Variants in FRMD4A observed in about 807,000 individuals in gnomAD.
FRMD4A encodes FERM domain-containing protein 4A.
A neutral mutation model predicts 129.1 loss-of-function variants in FRMD4A; 29 were observed. The ratio of observed to expected loss-of-function variants is 0.22; its 90% CI spans 0.17 to 0.31. The LOEUF (loss-of-function observed/expected upper bound fraction) is 0.31, where lower values mean the gene tolerates loss of function less well. Among genes scored for constraint, FRMD4A ranks in the 10% least tolerant of loss-of-function variants. The pLI is 1.00. For synonymous variants in FRMD4A, 634 were observed against 571.6 expected (o/e 1.11, Z -1.56); for missense variants, 1,272 against 1,375.8 (o/e 0.92, Z 1.19).
At chr10:13,963,396 C>T (rs75588072) in intron 2 of FRMD4A, among the ~76,000 whole-genome samples, 2,860 of 149,468 alleles carry the variant, frequency 0.019, 46 homozygotes, top group Non-Finnish European at 0.028. Flanking sequence ...ATTGCCATAA[C>T]GAAATGATGA....
intron 2 of FRMD4A, among the ~76,000 whole-genome samples, chr10:14,212,892 G>C (rs1338981732): frequency 6.6e-6 from 1 of 152,196 alleles, no homozygotes; most frequent in Non-Finnish European, 1.5e-5. Flanking sequence ...TCCCTCAAGG[G>C]TGTGAAGCCC....
chr10:14,184,314 T>TTTTTTTTTTTTTTTTTTTTTTTTTTG, intron 2 of FRMD4A, among the ~76,000 whole-genome samples: 1 of 147,984 alleles, frequency 6.8e-6, no homozygotes, highest in Middle Eastern at 3.5e-3. Flanking sequence ...TTTTTTTTTT[T>TTTTTTTTTTTTTTTTTTTTTTTTTTG]AGTAGAGATG....
chr10:14,119,865 G>C (rs1447450657), intron 2 of FRMD4A, among the ~76,000 whole-genome samples: 2 of 152,144 alleles, frequency 1.3e-5, no homozygotes, highest in Non-Finnish European at 2.9e-5. Context: ...GTTAGGTAAT[G>C]AGTTCTCCAG....
chr10:14,185,473 T>C (rs992871122), intron 2 of FRMD4A, among the ~76,000 whole-genome samples: 3 of 152,216 alleles, frequency 2.0e-5, no homozygotes, highest in Non-Finnish European at 4.4e-5. Flanking sequence ...CAAAAAACAT[T>C]ACAACATTTT....
Position 14,330,046 on chromosome 10 carries a change from C to G in FRMD4A, c.45+12G>C. On this transcript the variant is annotated intron_variant, in intron 2 of 24. Transcript: ENST00000357447. ...ACGCTGCCCGGGCCCCACCTCCTGTCTGAACACTCACCATCAGCAGGCCGA... is the reference window on the plus strand; with the variant it reads ...ACGCTGCCCGGGCCCCACCTCCTGTGTGAACACTCACCATCAGCAGGCCGA... 1 of 1,552,294 alleles carries G rather than the reference C, an allele frequency of 6.4e-7. No individual in the cohort carries two copies. The highest frequency in any genetic ancestry group is 8.7e-7 in the Non-Finnish European group (1 of 1,147,210).
intron 19 of FRMD4A, among the ~76,000 whole-genome samples, chr10:13,661,174 A>T (rs1261195482): frequency 2.6e-5 from 4 of 152,222 alleles, no homozygotes; most frequent in Non-Finnish European, 4.4e-5. Context: ...AAACTGCCTT[A>T]ACTTTTTTAA....
intron 3 of FRMD4A, among the ~76,000 whole-genome samples, chr10:13,840,206 C>T (rs2093940724): frequency 6.6e-6 from 1 of 152,118 alleles, no homozygotes; most frequent in African/African-American, 2.4e-5. Flanking sequence ...ATTCAGGTTA[C>T]ATGAGGTCAT....
At chr10:13,946,276 C>A (rs2095330742) in intron 2 of FRMD4A, among the ~76,000 whole-genome samples, 1 of 152,180 alleles carries the variant, frequency 6.6e-6, no homozygotes, top group Non-Finnish European at 1.5e-5. Context: ...CTTTCTGATG[C>A]CCTGAGGGCT....
intron 4 of FRMD4A, among the ~76,000 whole-genome samples, chr10:13,808,062 G>C (rs993465254): frequency 6.6e-6 from 1 of 152,194 alleles, no homozygotes; most frequent in Non-Finnish European, 1.5e-5. Flanking sequence ...GCCTCCCAAA[G>C]TGCTGGGATT....
intron 14 of FRMD4A, among the ~76,000 whole-genome samples, chr10:13,698,672 A>G (rs2086475213): frequency 6.6e-6 from 1 of 152,238 alleles, no homozygotes; most frequent in Non-Finnish European, 1.5e-5. Context: ...ACGTGGTGCC[A>G]TCTGACCAAT....
At chr10:14,016,492 G>T (rs945805189) in intron 2 of FRMD4A, among the ~76,000 whole-genome samples, 1 of 152,158 alleles carries the variant, frequency 6.6e-6, no homozygotes, top group Non-Finnish European at 1.5e-5. Context: ...GCCTCTTCCT[G>T]TCTGTTCTGC....
At chr10:14,239,942 AAAGT>A (rs1234755855) in intron 2 of FRMD4A, among the ~76,000 whole-genome samples, 1 of 152,234 alleles carries the variant, frequency 6.6e-6, no homozygotes, top group Non-Finnish European at 1.5e-5. Context: ...CACCTTTGGA[AAAGT>A]AAGTAACAGG....
chr10:13,967,324 G>C (rs1371252120), intron 2 of FRMD4A, among the ~76,000 whole-genome samples: 1 of 152,020 alleles, frequency 6.6e-6, no homozygotes, highest in Non-Finnish European at 1.5e-5. Context: ...GCGACAGAGC[G>C]AGACTCCGTC....
chr10:14,095,220 C>T lies in FRMD4A; in HGVS notation c.45+234838G>A, dbSNP rs147481773. Among the ~76,000 whole-genome samples, 113 of 152,172 alleles carry T rather than the reference C, an allele frequency of 7.4e-4. 2 individuals carry two copies. The East Asian group carries it at 0.02, about 27-fold the overall frequency. On this transcript the variant is annotated intron_variant, in intron 2 of 24. Transcript: ENST00000357447. ...GATTTATTTTTTTCACTCAGGAGAC[C>T]ACTGGCCATTCAGCTCATGACACTT...
At chr10:14,128,889 A>G (rs1748692532) in intron 2 of FRMD4A, among the ~76,000 whole-genome samples, 1 of 152,170 alleles carries the variant, frequency 6.6e-6, no homozygotes. Context: ...CAGACGAAGT[A>G]AAGAACCTGA....
intron 2 of FRMD4A, among the ~76,000 whole-genome samples, chr10:14,027,251 C>A (rs1833025717): frequency 6.6e-6 from 1 of 152,204 alleles, no homozygotes. Flanking sequence ...CTATTGTTTC[C>A]ATTTAAAGCA....
intron 2 of FRMD4A, among the ~76,000 whole-genome samples, chr10:13,988,692 T>A (rs4748068): frequency 0.34 from 52,413 of 151,994 alleles, 9,718 homozygotes; most frequent in East Asian, 0.72. Flanking sequence ...GTCTCTATAG[T>A]TGAACAGATG....
At chr10:14,324,996 C>T (rs1843213244) in intron 2 of FRMD4A, among the ~76,000 whole-genome samples, 1 of 152,182 alleles carries the variant, frequency 6.6e-6, no homozygotes, top group African/African-American at 2.4e-5. Flanking sequence ...TCTGAGTCAT[C>T]TTGGGCAAGC....
chr10:13,826,541 G>A (rs973421416), intron 3 of FRMD4A, among the ~76,000 whole-genome samples: 2 of 152,134 alleles, frequency 1.3e-5, no homozygotes, highest in African/African-American at 4.8e-5. Context: ...CGGCCCCAGT[G>A]ATACGCCCAG....
Sources: allele counts gnomAD v4.1 joint callset (sites outside exome capture counted in the v4.1 genomes callset), GRCh38; gene constraint gnomAD v4.1.1; transcripts MANE v1.5; gene names NCBI Gene and HGNC (gene_info 2026-07-23, HGNC 2026-07-21).